EPHB1: variants seen among roughly 807,000 people sequenced by gnomAD.
EPHB1 encodes the protein EPH receptor B1, also known as ephrin type-B receptor 1.
EPHB1 carries 30 observed loss-of-function variants against 94.4 expected under a neutral mutation model. The observed-to-expected ratio is 0.32, with a 90% CI of 0.24 to 0.43. The LOEUF is 0.43. Ranked by LOEUF, EPHB1 falls within the 20% of genes least tolerant of loss-of-function variation. The pLI is 1.00. For synonymous variants in EPHB1, 522 were observed against 489.1 expected, an observed-to-expected ratio of 1.07 and a Z score of -0.89; for missense variants, 1,055 against 1,308.3, an observed-to-expected ratio of 0.81 and a Z score of 2.99.
intron 5 of EPHB1, among the ~76,000 whole-genome samples, chr3:135,145,945 C>T (rs1398153302): frequency 6.6e-6 from 1 of 152,212 alleles, no homozygotes. Context: ...GCAATCATTG[C>T]AGTAAGAGTA....
intron 5 of EPHB1, among the ~76,000 whole-genome samples, chr3:135,136,232 T>C (rs192111087): frequency 2.5e-3 from 384 of 152,318 alleles, no homozygotes; most frequent in African/African-American, 8.7e-3. Flanking sequence ...TCATTTGTTT[T>C]TTGGTCATTG....
intron 9 of EPHB1, among the ~76,000 whole-genome samples, chr3:135,175,023 G>A (rs1426815989): frequency 1.3e-5 from 2 of 152,088 alleles, no homozygotes; most frequent in East Asian, 1.9e-4. Context: ...AGATGTCCAC[G>A]GTATTGATTT....
At chr3:135,134,726 C>A (rs890050964) in intron 5 of EPHB1, among the ~76,000 whole-genome samples, 5 of 152,152 alleles carry the variant, frequency 3.3e-5, no homozygotes, top group African/African-American at 1.2e-4. Flanking sequence ...GCAGTATTTC[C>A]CTTGAAGAGT....
intron 3 of EPHB1, among the ~76,000 whole-genome samples, chr3:134,961,584 A>T (rs1407854456): frequency 6.6e-6 from 1 of 152,180 alleles, no homozygotes; most frequent in African/African-American, 2.4e-5. Context: ...GTCAGTTTCT[A>T]ATATTCTCTT....
chr3:135,161,934 G>A, intron 6 of EPHB1, 84 bp from the exon 7 acceptor site: 7 of 1,410,080 alleles, frequency 5.0e-6, no homozygotes, highest in Non-Finnish European at 3.8e-6. Flanking sequence ...AGAAATGATG[G>A]GGCCTGAATA....
chr3:135,011,036 G>T (rs1042627196), intron 3 of EPHB1, among the ~76,000 whole-genome samples: 3 of 152,148 alleles, frequency 2.0e-5, no homozygotes, highest in Non-Finnish European at 4.4e-5. Context: ...ACCCTCCATA[G>T]CTCACTGGTG....
intron 10 of EPHB1, among the ~76,000 whole-genome samples, chr3:135,189,791 A>G (rs1053594528): frequency 4.7e-4 from 71 of 152,290 alleles, no homozygotes; most frequent in African/African-American, 1.6e-3. Flanking sequence ...CACTTTTCCA[A>G]ACTCCACACA....
At chr3:134,981,261 G>A (rs770572607) in intron 3 of EPHB1, among the ~76,000 whole-genome samples, 6 of 152,148 alleles carry the variant, frequency 3.9e-5, no homozygotes, top group Non-Finnish European at 7.3e-5. Context: ...ACTGGTCAGC[G>A]GGGGCTAGGT....
At chr3:134,819,144 C>T (rs986780904) in intron 1 of EPHB1, among the ~76,000 whole-genome samples, 1 of 152,192 alleles carries the variant, frequency 6.6e-6, no homozygotes, top group Non-Finnish European at 1.5e-5. Context: ...GGGATTTTTG[C>T]TGTATGCAGA....
chr3:135,253,868 T>C (rs1933242459), intron 15 of EPHB1, among the ~76,000 whole-genome samples: 1 of 152,132 alleles, frequency 6.6e-6, no homozygotes, highest in Admixed American at 6.5e-5. Flanking sequence ...TTCCATTTGT[T>C]TGTATCCTTT....
At chr3:135,039,717 C>T (rs1308490925) in intron 3 of EPHB1, among the ~76,000 whole-genome samples, 1 of 152,332 alleles carries the variant, frequency 6.6e-6, no homozygotes, top group Non-Finnish European at 1.5e-5. Context: ...TGGCTGGCTG[C>T]TTCGAGTGCG....
At chr3:135,235,718 C>T (rs578260957) in intron 12 of EPHB1, among the ~76,000 whole-genome samples, 10 of 152,260 alleles carry the variant, frequency 6.6e-5, no homozygotes, top group South Asian at 6.2e-4. Flanking sequence ...AGCTTTCAGC[C>T]GGTGTTGTTG....
rs1321663170 is a variant in EPHB1, at chr3:134,937,911, CCTT to C, written c.123+12032_123+12034del. The stretch of plus-strand genomic sequence containing the variant: ...GTGACCAGCCAAGCACTGGTTCCCT[CCTT>C]TTTTTTTTTTTTTTTTTTCCTCCTT... On this transcript the variant is annotated intron_variant, in intron 2 of 15. Transcript: ENST00000398015. Among the ~76,000 whole-genome samples, 148 of 131,284 alleles carry C rather than the reference CCTT, an allele frequency of 1.1e-3. 1 individual carries two copies. In the South Asian group the frequency reaches 0.037, roughly 33 times the overall value. The allele number at this position is 131,284 out of a possible 152,430, so 86.1% of individuals were successfully genotyped here.
chr3:135,062,889 C>T (rs1165229532), intron 3 of EPHB1, among the ~76,000 whole-genome samples: 2 of 152,172 alleles, frequency 1.3e-5, no homozygotes, highest in Non-Finnish European at 2.9e-5. Flanking sequence ...GATCCAGCTT[C>T]ATTCTCCTAT....
intron 7 of EPHB1, 100 bp downstream of exon 7, chr3:135,162,280 A>G (rs780529611): frequency 8.0e-5 from 105 of 1,304,850 alleles, no homozygotes; most frequent in Non-Finnish European, 1.0e-4. Context: ...CTGATCTCCA[A>G]CTGGATTCCA....
At chr3:135,088,416 G>C (rs1160100061) in intron 3 of EPHB1, among the ~76,000 whole-genome samples, 3 of 152,178 alleles carry the variant, frequency 2.0e-5, no homozygotes. Context: ...GAAATGTTAC[G>C]ATTACATTTG....
rs573843756 is a variant in EPHB1, at chr3:135,015,994, G to A, written c.805+63942G>A. On this transcript the variant is annotated intron_variant, in intron 3 of 15. Coordinates refer to ENST00000398015, the MANE Select transcript of EPHB1 (RefSeq NM_004441.5). Reference sequence around the variant, plus strand: ...CAGAGGAGAAGAGTGGTTGAGATGAGGTCTGGGAAGTAGCCAGGAGCTAGT... The same window carrying A: ...CAGAGGAGAAGAGTGGTTGAGATGAAGTCTGGGAAGTAGCCAGGAGCTAGT... Among the ~76,000 whole-genome samples, 27 of 152,290 alleles carry A rather than the reference G, an allele frequency of 1.8e-4. No individual in the cohort carries two copies. In the South Asian group the frequency reaches 5.4e-3, roughly 30 times the overall value.
At position 135,203,302 on chromosome 3, in the gene EPHB1, G is replaced by A. The variant is rs189357000; in HGVS notation, c.2346+1613G>A. Among the ~76,000 whole-genome samples the A allele has an allele frequency of 2.6e-5, 4 of 152,136 alleles. No individual in the cohort carries two copies. In the East Asian group the frequency reaches 7.7e-4, roughly 29 times the overall value. On this transcript the variant is annotated intron_variant, in intron 12 of 15. Coordinates refer to ENST00000398015, the MANE Select transcript of EPHB1 (RefSeq NM_004441.5). ...AGGACAAATTCCTAATGCATTCAGG[G>A]CTTAAAACCTAGATGATGGGTTAAT...
At chr3:135,078,741 T>A (rs1368403045) in intron 3 of EPHB1, among the ~76,000 whole-genome samples, 1 of 152,204 alleles carries the variant, frequency 6.6e-6, no homozygotes, top group Non-Finnish European at 1.5e-5. Flanking sequence ...GGCCTGGGCC[T>A]AAAAAATTCC....
Sources: gnomAD v4.1 joint callset for allele counts (sites outside exome capture counted in the v4.1 genomes callset) on GRCh38, gnomAD v4.1.1 for gene constraint, MANE v1.5 for transcripts, NCBI Gene and HGNC (gene_info 2026-07-23, HGNC 2026-07-21) for gene names.